SHCBP1: variants seen among roughly 807,000 people sequenced by gnomAD.
SHCBP1 encodes SHC SH2 domain-binding protein 1.
SHCBP1 carries 60 observed loss-of-function variants against 75.1 expected under a neutral mutation model. The ratio of observed to expected loss-of-function variants is 0.80; its 90% CI spans 0.65 to 0.99. SHCBP1 has a LOEUF of 0.99. SHCBP1 is among the 50% of genes least tolerant of loss of function. SHCBP1 has a pLI of 0.00. For synonymous variants in SHCBP1, 290 were observed against 293.2 expected (o/e 0.99, Z 0.11); for missense variants, 709 against 809.4 (o/e 0.88, Z 1.50).
In SHCBP1 at chr16:46,620,204, A is replaced by T. The variant is rs1361949732; in HGVS notation, c.103+1053T>A. Among the ~76,000 whole-genome samples, 8 of 152,244 alleles carry T rather than the reference A, an allele frequency of 5.3e-5. No individual in the cohort carries two copies. In the East Asian group the frequency reaches 1.5e-3, roughly 29 times the overall value. On this transcript the variant is annotated intron_variant, in intron 1 of 12. Transcript: ENST00000303383. ...ACACTTATGATCTACTCTGTTAGCA[A>T]ATTTCAAGTACAAAATTTGTGTCGC... is the stretch of plus-strand genomic sequence containing the variant.
chr16:46,610,045 G>A (rs938498600), intron 4 of SHCBP1, among the ~76,000 whole-genome samples: 2 of 151,462 alleles, frequency 1.3e-5, no homozygotes, highest in Non-Finnish European at 2.9e-5. Context: ...CCAGCTCCTG[G>A]GTTCAAGTAA....
intron 9 of SHCBP1, 73 bp downstream of exon 9, chr16:46,599,758 C>T: frequency 8.5e-7 from 1 of 1,179,836 alleles, no homozygotes; most frequent in Non-Finnish European, 1.1e-6. Context: ...TCATTAAATT[C>T]TATCTTCCAT....
intron 10 of SHCBP1, among the ~76,000 whole-genome samples, chr16:46,589,541 G>A (rs1182944896): frequency 6.6e-6 from 1 of 152,108 alleles, no homozygotes; most frequent in African/African-American, 2.4e-5. Flanking sequence ...CAGATAAACA[G>A]AGAGTCAAAT....
chr16:46,600,750 C>A (rs766672454), intron 8 of SHCBP1, among the ~76,000 whole-genome samples: 1 of 152,186 alleles, frequency 6.6e-6, no homozygotes, highest in Non-Finnish European at 1.5e-5. Flanking sequence ...CGGTGGCGCA[C>A]GCCTGTAATC....
chr16:46,583,745 A>C, intron 11 of SHCBP1, 88 bp from the exon 12 acceptor site: 1 of 1,468,966 alleles, frequency 6.8e-7, no homozygotes, highest in Non-Finnish European at 9.2e-7. Flanking sequence ...TATTCTAAAA[A>C]TAAAAGGAAA....
At chr16:46,611,794 G>C (rs541022170) in intron 4 of SHCBP1, among the ~76,000 whole-genome samples, 2 of 152,178 alleles carry the variant, frequency 1.3e-5, no homozygotes, top group African/African-American at 4.8e-5. Context: ...GTGAGGTTCA[G>C]ATTGATCAAC....
rs1596690956 is a variant in SHCBP1, at chr16:46,616,302, G to C, written c.388-148C>G. 4.2e-6 allele frequency: 3 copies of C among 720,926 alleles called. No individual in the cohort carries two copies. Among genetic ancestry groups the C allele is most frequent in the East Asian group, 5.4e-5 (2 of 36,852 alleles). The allele number at this position is 720,926 out of a possible 1,614,324, so 44.7% of individuals were successfully genotyped here. ...ATATAAAGGATGAACAAGACAGGCTGCCTCTTACCCTCATGGAGCTTACAC... is the reference window on the plus strand; with the variant it reads ...ATATAAAGGATGAACAAGACAGGCTCCCTCTTACCCTCATGGAGCTTACAC... On this transcript the variant is annotated intron_variant, in intron 3 of 12. Transcript: ENST00000303383. This position sits in a 1 kb window ranked among gnomAD's most constrained non-coding sequence, Gnocchi z 4.4.
chr16:46,600,799 G>A (rs1354139753), intron 8 of SHCBP1, among the ~76,000 whole-genome samples: 1 of 152,168 alleles, frequency 6.6e-6, no homozygotes, highest in Non-Finnish European at 1.5e-5. Context: ...GATCACTTGA[G>A]GTCAGGAGTT....
chr16:46,619,736 A>C (rs1038358799), intron 1 of SHCBP1, among the ~76,000 whole-genome samples: 1 of 152,192 alleles, frequency 6.6e-6, no homozygotes, highest in African/African-American at 2.4e-5. Flanking sequence ...ATATACATTT[A>C]AAGTGTATAA....
In SHCBP1 at chr16:46,581,236, CA is replaced by C. The variant is rs1401644145; in HGVS notation, c.*492del. On this transcript the variant is annotated 3_prime_UTR_variant, in exon 13 of 13. Transcript: ENST00000303383. Reference sequence around the variant, plus strand: ...CGTCTCAATAATAAGTCTGATTAGGCAGATAAATTCCCAATCATAAAAGCTT... The same window carrying C: ...CGTCTCAATAATAAGTCTGATTAGGCGATAAATTCCCAATCATAAAAGCTT... The C allele has an allele frequency of 6.5e-6, 1 of 154,462 alleles. No homozygotes were observed. The highest frequency in any genetic ancestry group is 2.4e-5 in the African/African-American group (1 of 41,426). The allele number at this position is 154,462 out of a possible 1,614,324, so 9.6% of individuals were successfully genotyped here. A position where few individuals can be genotyped will look rare whatever the true frequency, so the allele number is the denominator to read the frequency against.
rs1220132313 is a variant in SHCBP1 at position 46,603,574 on chromosome 16, C to T, written c.1178G>A (p.Gly393Asp). The change falls in exon 8 of 13, where the codon GGC becomes GAC. Residue 393 changes from glycine (G) to aspartate (D), a missense_variant. By Grantham distance (94) the Gly-to-Asp change is moderately conservative. Transcript: ENST00000303383. The part of the protein sequence containing the change: ...IVCPGHYVVH[G>D]TFSIADSIEL... ...AATGGAGTCAGCAATGGAGAAAGTG[C>T]CATGTACCACATAATGGCCAGGACA... is the stretch of plus-strand genomic sequence containing the variant. 1.2e-6 allele frequency: 2 copies of T among 1,614,060 alleles called. No individual in the cohort carries two copies. The highest frequency in any genetic ancestry group is 1.3e-5 in the African/African-American group (1 of 74,918).
At chr16:46,594,142 C>T (rs1479227087) in intron 10 of SHCBP1, among the ~76,000 whole-genome samples, 1 of 151,970 alleles carries the variant, frequency 6.6e-6, no homozygotes, top group Non-Finnish European at 1.5e-5. Flanking sequence ...AAATATAACG[C>T]TATAAAAATT....
At chr16:46,594,707 G>A in intron 10 of SHCBP1, among the ~76,000 whole-genome samples, 1 of 151,198 alleles carries the variant, frequency 6.6e-6, no homozygotes, top group Non-Finnish European at 1.5e-5. Flanking sequence ...ACCTAAACAT[G>A]CAACTACTAT....
chr16:46,611,873 G>A (rs1965421444), intron 4 of SHCBP1, among the ~76,000 whole-genome samples: 2 of 152,198 alleles, frequency 1.3e-5, no homozygotes, highest in Non-Finnish European at 2.9e-5. Context: ...AGCAGTCATC[G>A]ATGTTCACTG....
At chr16:46,609,481 C>T (rs1380614771) in intron 4 of SHCBP1, among the ~76,000 whole-genome samples, 7 of 114,780 alleles carry the variant, frequency 6.1e-5, no homozygotes, top group South Asian at 3.1e-4. Flanking sequence ...GATGGAGTCT[C>T]GCTCTTGTGG....
rs1289813035 is a variant in SHCBP1, at chr16:46,579,760, C to A, written c.*1969G>T. On this transcript the variant is annotated 3_prime_UTR_variant, in exon 13 of 13. Transcript: ENST00000303383. ...GACCAGCCTGGCCAACATGGTTAAA[C>A]CCTGTCTCTACTAAAAATACAAAAA... 2.0e-5 allele frequency among the ~76,000 whole-genome samples: 3 copies of A among 152,072 alleles called. No homozygotes were observed. The highest frequency in any genetic ancestry group is 2.9e-5 in the Non-Finnish European group (2 of 68,014).
intron 9 of SHCBP1, among the ~76,000 whole-genome samples, chr16:46,597,043 C>T (rs1276269752): frequency 3.3e-5 from 5 of 152,144 alleles, no homozygotes; most frequent in African/African-American, 1.2e-4. Flanking sequence ...AATAATCAGT[C>T]TTCCATACAC....
Position 46,617,696 on chromosome 16 carries a change from C to A in SHCBP1, c.325G>T (p.Val109Phe). 6.2e-7 allele frequency: 1 copy of A among 1,613,410 alleles called. No homozygotes were observed. The highest frequency in any genetic ancestry group is 8.5e-7 in the Non-Finnish European group (1 of 1,180,026). The change falls in exon 3 of 13, where the codon GTC (valine) becomes TTC (phenylalanine). Residue 109 changes from valine to phenylalanine, a missense_variant. Transcript: ENST00000303383. The part of the protein sequence containing the change: ...QEFTAEFLEK[V>F]LEPSGWRAVW... ...GCCCGCCATCCAGATGGCTCAAGGACCTTCTCCAAGAACTCAGCTGTGAAT... is the reference window on the plus strand; with the variant it reads ...GCCCGCCATCCAGATGGCTCAAGGAACTTCTCCAAGAACTCAGCTGTGAAT...
At position 46,592,567 on chromosome 16, in the gene SHCBP1, A is replaced by G. The variant is rs1439975714; in HGVS notation, c.1464+2985T>C. 5.9e-5 allele frequency among the ~76,000 whole-genome samples: 9 copies of G among 152,270 alleles called. No homozygotes were observed. In the South Asian group the frequency reaches 1.9e-3, roughly 32 times the overall value. ...TACACAATCTCGTTTACAAAATACAAGAGAAGGGAACACTTCAGTATTCAT... is the reference window on the plus strand; with the variant it reads ...TACACAATCTCGTTTACAAAATACAGGAGAAGGGAACACTTCAGTATTCAT... On this transcript the variant is annotated intron_variant, in intron 10 of 12. Transcript: ENST00000303383.
Sources: gnomAD v4.1 joint callset for allele counts (sites outside exome capture counted in the v4.1 genomes callset) on GRCh38, gnomAD v4.1.1 for gene constraint, Gnocchi (gnomAD v3.1) non-coding constraint, MANE v1.5 for transcripts, NCBI Gene and HGNC (gene_info 2026-07-23, HGNC 2026-07-21) for gene names.